The following NHS variants were observed in gnomAD, a reference collection of about 807,000 sequenced individuals.
NHS encodes the protein actin remodeling regulator NHS.
A neutral mutation model predicts 72.5 loss-of-function variants in NHS; 5 were observed. The observed-to-expected ratio is 0.07, with a 90% CI of 0.04 to 0.14. NHS has a LOEUF of 0.14. Ranked by LOEUF, NHS falls within the 10% of genes least tolerant of loss-of-function variation. The probability of loss-of-function intolerance (pLI) is 1.00; values close to 1 mark genes in which losing one functional copy is unlikely to be tolerated. For missense variants in NHS, 1,072 were observed against 1,355.7 expected (o/e 0.79, Z 3.29); for synonymous variants, 464 against 547.7 (o/e 0.85, Z 2.13).
chrX:17,545,792 A>C (rs1432016237), intron 1 of NHS, among the ~76,000 whole-genome samples: 1 of 111,922 alleles, frequency 8.9e-6, no homozygotes, highest in African/African-American at 3.2e-5. Context: ...ACTGTGCCTG[A>C]CTTCTAATCT....
chrX:17,412,253 A>T (rs1232175618), intron 1 of NHS, among the ~76,000 whole-genome samples: 1 of 109,789 alleles, frequency 9.1e-6, no homozygotes, highest in African/African-American at 3.3e-5. Flanking sequence ...GTATTCTATC[A>T]TCATATCAAG....
intron 1 of NHS, among the ~76,000 whole-genome samples, chrX:17,447,773 GCACACACACACGCACACACACACA>G (rs2064788078): frequency 1.3e-5 from 1 of 77,995 alleles, no homozygotes; most frequent in East Asian, 3.9e-4. Context: ...ACACACACAC[GCACACACACACGCACACACACACA>G]CACACACACA....
intron 1 of NHS, among the ~76,000 whole-genome samples, chrX:17,433,321 C>T (rs936461207): frequency 9.2e-6 from 1 of 108,131 alleles, no homozygotes; most frequent in African/African-American, 3.4e-5. Context: ...AGTGCTCCCC[C>T]TTTTAAATAA....
At chrX:17,591,388 A>G (rs1202192292) in intron 1 of NHS, among the ~76,000 whole-genome samples, 3 of 111,618 alleles carry the variant, frequency 2.7e-5, no homozygotes. Flanking sequence ...CACTTCCACA[A>G]CCAAACCCAA....
chrX:17,507,441 A>T (rs1200075449), intron 1 of NHS, among the ~76,000 whole-genome samples: 3 of 111,862 alleles, frequency 2.7e-5, no homozygotes, highest in Non-Finnish European at 5.6e-5. Context: ...TACCTAAAAA[A>T]ACATACCTCA....
At chrX:17,629,848 C>A (rs191980223) in intron 1 of NHS, among the ~76,000 whole-genome samples, 1 of 111,023 alleles carries the variant, frequency 9.0e-6, no homozygotes, top group East Asian at 2.9e-4. Context: ...ATTCACCCAA[C>A]TTTTTCCTGA....
intron 1 of NHS, among the ~76,000 whole-genome samples, chrX:17,476,589 GGT>G (rs2064919266): frequency 9.0e-6 from 1 of 110,799 alleles, no homozygotes; most frequent in South Asian, 3.9e-4. Context: ...TTTGTGTGTG[GGT>G]GTGTGTGTGG....
chrX:17,707,963 A>C (rs2066306052), intron 3 of NHS, among the ~76,000 whole-genome samples: 1 of 111,897 alleles, frequency 8.9e-6, no homozygotes, highest in Admixed American at 9.5e-5. Flanking sequence ...AGACATATCC[A>C]GACTTGTCCT....
intron 3 of NHS, among the ~76,000 whole-genome samples, chrX:17,699,308 T>G (rs1346152957): frequency 8.9e-6 from 1 of 111,947 alleles, no homozygotes; most frequent in Non-Finnish European, 1.9e-5. Context: ...AAGATATAGT[T>G]AAAGCCTCTA....
At chrX:17,548,446 G>T (rs1426578445) in intron 1 of NHS, among the ~76,000 whole-genome samples, 3 of 111,058 alleles carry the variant, frequency 2.7e-5, no homozygotes, top group Non-Finnish European at 5.7e-5. Context: ...AGAGGCTGGG[G>T]TGGGGGTAGT....
chrX:17,527,024 G>C (rs2065176563), intron 1 of NHS, among the ~76,000 whole-genome samples: 1 of 112,219 alleles, frequency 8.9e-6, no homozygotes, highest in Non-Finnish European at 1.9e-5. Flanking sequence ...AAATAGTCTG[G>C]AGCACAGAAC....
At chrX:17,655,542 A>AT (rs1322524380) in intron 1 of NHS, among the ~76,000 whole-genome samples, 1 of 112,080 alleles carries the variant, frequency 8.9e-6, no homozygotes, top group African/African-American at 3.2e-5. Context: ...GGGACGGATT[A>AT]TTTTTAGCAG....
chrX:17,384,640 C>T (rs1204387772), intron 1 of NHS, among the ~76,000 whole-genome samples: 2 of 112,090 alleles, frequency 1.8e-5, no homozygotes, highest in Admixed American at 9.5e-5. Flanking sequence ...CTCTCAGAAA[C>T]GTCTTCAGTC....
At chrX:17,589,197 G>A (rs2065590327) in intron 1 of NHS, among the ~76,000 whole-genome samples, 1 of 111,483 alleles carries the variant, frequency 9.0e-6, no homozygotes, top group Non-Finnish European at 1.9e-5. Context: ...TGGGGAACAG[G>A]TGGCATTTGG....
At chrX:17,455,486 T>C (rs941538448) in intron 1 of NHS, among the ~76,000 whole-genome samples, 4 of 112,030 alleles carry the variant, frequency 3.6e-5, no homozygotes, top group African/African-American at 1.3e-4. Flanking sequence ...CCATACTCAA[T>C]TGAACATAGG....
At chrX:17,610,892 C>T (rs1042815505) in intron 1 of NHS, among the ~76,000 whole-genome samples, 4 of 112,450 alleles carry the variant, frequency 3.6e-5, no homozygotes, top group Non-Finnish European at 7.5e-5. Context: ...AACTTCACTC[C>T]GTGTAATCAC....
chrX:17,718,878 AGGAG>A (rs1159861221), intron 3 of NHS, among the ~76,000 whole-genome samples: 7 of 95,057 alleles, frequency 7.4e-5, no homozygotes, highest in African/African-American at 2.0e-4. Flanking sequence ...GAAAGAAGGA[AGGAG>A]GAAGTAAGGA....
intron 1 of NHS, among the ~76,000 whole-genome samples, chrX:17,398,364 A>G (rs1169719348): frequency 1.8e-5 from 2 of 112,396 alleles, no homozygotes; most frequent in Non-Finnish European, 3.7e-5. Context: ...TTGTTTAAAG[A>G]TCGAGACTCA....
chrX:17,718,068 T>C (rs144046751), intron 3 of NHS, among the ~76,000 whole-genome samples: 1,802 of 111,117 alleles, frequency 0.016, 41 homozygotes, highest in African/African-American at 0.056. Context: ...ATGTACAGCA[T>C]TTATTAAGTG....
Sources: gnomAD v4.1 joint callset for allele counts (sites outside exome capture counted in the v4.1 genomes callset) on GRCh38, gnomAD v4.1.1 for gene constraint, MANE v1.5 for transcripts, NCBI Gene and HGNC (gene_info 2026-07-23, HGNC 2026-07-21) for gene names.